Variants in NAALADL2 observed in about 807,000 individuals in gnomAD.
NAALADL2 encodes the protein inactive N-acetylated-alpha-linked acidic dipeptidase-like protein 2.
A neutral mutation model predicts 87.2 loss-of-function variants in NAALADL2; 76 were observed. The ratio of observed to expected loss-of-function variants is 0.87; its 90% CI spans 0.72 to 1.05. The LOEUF (loss-of-function observed/expected upper bound fraction) is 1.05. NAALADL2 is among the 50% of genes least tolerant of loss of function. The pLI, the probability that NAALADL2 is intolerant of heterozygous loss-of-function variation, is 0.00. For missense variants in NAALADL2, 1,089 were observed against 945.8 expected, an observed-to-expected ratio of 1.15 and a Z score of -1.99; for synonymous variants, 354 against 331.0, an observed-to-expected ratio of 1.07 and a Z score of -0.75.
At chr3:175,167,839 C>A (rs1167478171) in intron 2 of NAALADL2, among the ~76,000 whole-genome samples, 4 of 151,950 alleles carry the variant, frequency 2.6e-5, no homozygotes, top group Non-Finnish European at 4.4e-5. Flanking sequence ...ATACCCATGT[C>A]TTATTCCTTT....
intron 4 of NAALADL2, among the ~76,000 whole-genome samples, chr3:175,307,890 T>C (rs1757906608): frequency 6.6e-6 from 1 of 152,214 alleles, no homozygotes; most frequent in South Asian, 2.1e-4. Context: ...TGTAACAAAT[T>C]ACTTTCACTT....
At chr3:174,526,821 C>T (rs561244366) in intron 1 of NAALADL2, among the ~76,000 whole-genome samples, 134 of 152,012 alleles carry the variant, frequency 8.8e-4, no homozygotes, top group African/African-American at 2.9e-3. Flanking sequence ...GGATTACAGG[C>T]ATGTGCCCCC....
chr3:174,455,716 A>T (rs1462217686), intron 1 of NAALADL2, among the ~76,000 whole-genome samples: 2 of 152,116 alleles, frequency 1.3e-5, no homozygotes, highest in Non-Finnish European at 2.9e-5. Flanking sequence ...TTGAAGGAAC[A>T]TACATCAAAA....
intron 2 of NAALADL2, among the ~76,000 whole-genome samples, chr3:175,137,810 G>T (rs1280445123): frequency 6.6e-6 from 1 of 151,790 alleles, no homozygotes; most frequent in East Asian, 1.9e-4. Context: ...TTTTAATAGA[G>T]ATGGGGTTTC....
chr3:175,370,434 G>A (rs1194963015), intron 5 of NAALADL2, among the ~76,000 whole-genome samples: 2 of 151,576 alleles, frequency 1.3e-5, no homozygotes, highest in Non-Finnish European at 2.9e-5. Flanking sequence ...ATTAACTACT[G>A]ATGCTTCTAA....
intron 13 of NAALADL2, among the ~76,000 whole-genome samples, chr3:175,787,246 C>T (rs544215644): frequency 6.6e-6 from 1 of 152,080 alleles, no homozygotes; most frequent in African/African-American, 2.4e-5. Flanking sequence ...CCACCCAGTT[C>T]GAGCTTCCCG....
intron 3 of NAALADL2, among the ~76,000 whole-genome samples, chr3:174,789,717 A>T (rs548013903): frequency 3.3e-5 from 5 of 152,352 alleles, no homozygotes; most frequent in African/African-American, 1.2e-4. Context: ...ATCAGCAGCT[A>T]ATATCATAGC....
At chr3:174,818,416 G>T (rs1240159593) in intron 3 of NAALADL2, among the ~76,000 whole-genome samples, 1 of 151,938 alleles carries the variant, frequency 6.6e-6, no homozygotes, top group Non-Finnish European at 1.5e-5. Flanking sequence ...AAGAGAAACT[G>T]TCTTAGGGCC....
chr3:175,327,507 A>C (rs1450240391), intron 5 of NAALADL2, among the ~76,000 whole-genome samples: 2 of 152,102 alleles, frequency 1.3e-5, no homozygotes, highest in African/African-American at 4.8e-5. Flanking sequence ...CGTTCCCACA[A>C]CACCAGTATT....
intron 2 of NAALADL2, among the ~76,000 whole-genome samples, chr3:174,652,285 T>G (rs909486071): frequency 3.3e-5 from 5 of 152,202 alleles, no homozygotes; most frequent in Non-Finnish European, 5.9e-5. Flanking sequence ...GACAGTGCTA[T>G]AGAGGGATAT....
chr3:174,560,447 AGTCACT>A (rs1433724237), intron 2 of NAALADL2, among the ~76,000 whole-genome samples: 1 of 152,204 alleles, frequency 6.6e-6, no homozygotes, highest in African/African-American at 2.4e-5. Flanking sequence ...TAGTTGTTTT[AGTCACT>A]CAACAGAAAG....
intron 11 of NAALADL2, among the ~76,000 whole-genome samples, chr3:175,725,210 A>T (rs996959446): frequency 6.6e-6 from 1 of 152,090 alleles, no homozygotes; most frequent in African/African-American, 2.4e-5. Flanking sequence ...ATGTTTCTTT[A>T]GCATTATTAC....
intron 5 of NAALADL2, among the ~76,000 whole-genome samples, chr3:175,336,281 T>C (rs1022608047): frequency 1.3e-5 from 2 of 152,208 alleles, no homozygotes; most frequent in African/African-American, 4.8e-5. Context: ...CTTATTATTA[T>C]TGTAATGTGT....
intron 1 of NAALADL2, among the ~76,000 whole-genome samples, chr3:175,087,770 C>A (rs1379015933): frequency 1.3e-5 from 2 of 152,108 alleles, no homozygotes; most frequent in East Asian, 3.9e-4. Context: ...ACAAACACTG[C>A]AAAAGGCCGC....
At chr3:175,234,648 T>G (rs1384097487) in intron 3 of NAALADL2, among the ~76,000 whole-genome samples, 1 of 152,182 alleles carries the variant, frequency 6.6e-6, no homozygotes, top group African/African-American at 2.4e-5. Flanking sequence ...CGCCCCTACT[T>G]TCATGATGGA....
intron 3 of NAALADL2, among the ~76,000 whole-genome samples, chr3:175,245,774 G>A (rs1230606543): frequency 6.6e-6 from 1 of 152,152 alleles, no homozygotes; most frequent in Non-Finnish European, 1.5e-5. Context: ...TCTGAATTCT[G>A]CAGGAATGCA....
intron 9 of NAALADL2, among the ~76,000 whole-genome samples, chr3:175,537,474 T>C (rs375223899): frequency 6.6e-6 from 1 of 152,236 alleles, no homozygotes; most frequent in Non-Finnish European, 1.5e-5. Context: ...AAGGTTTATA[T>C]TGACTTTTAC....
At chr3:175,058,016 C>A (rs1016869321) in intron 1 of NAALADL2, among the ~76,000 whole-genome samples, 2 of 152,134 alleles carry the variant, frequency 1.3e-5, no homozygotes, top group African/African-American at 4.8e-5. Context: ...TAATTAAGTT[C>A]TCTGAGAACA....
chr3:174,683,769 G>A (rs1178299904), intron 2 of NAALADL2, among the ~76,000 whole-genome samples: 1 of 151,632 alleles, frequency 6.6e-6, no homozygotes, highest in Non-Finnish European at 1.5e-5. Flanking sequence ...AAAAGAAAAT[G>A]TTAATTCAAC....
Sources: allele counts gnomAD v4.1 joint callset (sites outside exome capture counted in the v4.1 genomes callset), GRCh38; gene constraint gnomAD v4.1.1; transcripts MANE v1.5; gene names NCBI Gene and HGNC (gene_info 2026-07-23, HGNC 2026-07-21).